NRG3: variants seen among roughly 807,000 people sequenced by gnomAD.
NRG3 encodes the protein neuregulin 3, also known as pro-neuregulin-3, membrane-bound isoform.
In NRG3, 31 loss-of-function variants were observed where a neutral mutation model predicts 66.9. The observed-to-expected ratio is 0.46, with a 90% CI of 0.35 to 0.63. The LOEUF is 0.63. NRG3 is among the 20% of genes least tolerant of loss of function. The pLI, the probability that NRG3 is intolerant of heterozygous loss-of-function variation, is 0.00. For synonymous variants in NRG3, 393 were observed against 359.4 expected (o/e 1.09, Z -1.06); for missense variants, 910 against 878.9 (o/e 1.04, Z -0.45).
intron 1 of NRG3, among the ~76,000 whole-genome samples, chr10:81,879,794 T>G (rs1842014951): frequency 6.6e-6 from 1 of 152,236 alleles, no homozygotes; most frequent in African/African-American, 2.4e-5. Flanking sequence ...TTCTTATTTA[T>G]TCTTTTCAAC....
At chr10:82,584,158 C>T (rs1010188695) in intron 2 of NRG3, among the ~76,000 whole-genome samples, 2 of 152,182 alleles carry the variant, frequency 1.3e-5, no homozygotes, top group Non-Finnish European at 2.9e-5. Context: ...GTGATCTCAG[C>T]TCACTGCAAC....
intron 1 of NRG3, among the ~76,000 whole-genome samples, chr10:81,884,710 C>A (rs1019396122): frequency 2.0e-5 from 3 of 152,106 alleles, no homozygotes; most frequent in Non-Finnish European, 2.9e-5. Flanking sequence ...AAGACATGGG[C>A]ATCCTAGGAT....
intron 1 of NRG3, among the ~76,000 whole-genome samples, chr10:82,035,515 T>G (rs1298311041): frequency 6.6e-6 from 1 of 152,178 alleles, no homozygotes; most frequent in African/African-American, 2.4e-5. Context: ...AGGCATCTTA[T>G]TAAAATCAAT....
chr10:82,940,123 A>C (rs1053283005), intron 4 of NRG3, among the ~76,000 whole-genome samples: 3 of 152,184 alleles, frequency 2.0e-5, no homozygotes. Context: ...AAAGGAATGC[A>C]GAAGGGAAGC....
chr10:82,517,290 T>A (rs1845749217), intron 2 of NRG3, among the ~76,000 whole-genome samples: 1 of 152,164 alleles, frequency 6.6e-6, no homozygotes, highest in African/African-American at 2.4e-5. Flanking sequence ...TTCACTGGAG[T>A]CATTGCTGGT....
At chr10:82,972,610 G>A (rs1218183656) in intron 6 of NRG3, among the ~76,000 whole-genome samples, 2 of 152,104 alleles carry the variant, frequency 1.3e-5, no homozygotes, top group South Asian at 2.1e-4. Context: ...TACTTAGGGT[G>A]GAATTTATCT....
rs372522511 is a variant in NRG3, at chr10:82,046,161, C to T, written c.823+169998C>T. On this transcript the variant is annotated intron_variant, in intron 1 of 8. Transcript: ENST00000372141. ...TGAATCTATAAATTACCTTGGGCAG[C>T]ATGGCCATTTTCATGATATTGATTC... Among the ~76,000 whole-genome samples the T allele has an allele frequency of 3.4e-5, 5 of 148,700 alleles. No homozygotes were observed. The South Asian group carries it at 1.1e-3, about 33-fold the overall frequency.
chr10:82,429,174 A>G (rs2089637529), intron 2 of NRG3, among the ~76,000 whole-genome samples: 1 of 152,036 alleles, frequency 6.6e-6, no homozygotes, highest in Admixed American at 6.5e-5. Flanking sequence ...TTATAAGTCA[A>G]TCAACACAGT....
intron 1 of NRG3, among the ~76,000 whole-genome samples, chr10:82,267,602 C>G (rs1276226204): frequency 1.3e-5 from 2 of 152,198 alleles, no homozygotes; most frequent in Non-Finnish European, 2.9e-5. Context: ...GCTGAGAAAA[C>G]TCACAGATGG....
Position 82,358,759 on chromosome 10 carries a change from G to C in NRG3, c.844G>C (p.Glu282Gln), listed in dbSNP as rs1015810397. 3 of 1,614,156 alleles carry C rather than the reference G, an allele frequency of 1.9e-6. No homozygotes were observed. The highest frequency in any genetic ancestry group is 2.7e-5 in the African/African-American group (2 of 75,050). The change falls in exon 2 of 9, where the codon GAG (glutamate) becomes CAG (glutamine). Residue 282 changes from glutamate to glutamine, a missense_variant. Glu to Gln is a conservative substitution (Grantham distance 29). Coordinates refer to ENST00000372141, the MANE Select transcript of NRG3 (RefSeq NM_001010848.4). ...GACAGATACGACGACATATTCCACAGAGCGATCCGAGCACTTCAAACCCTG... is the reference window on the plus strand; with the variant it reads ...GACAGATACGACGACATATTCCACACAGCGATCCGAGCACTTCAAACCCTG... ...PKFHTTTYST[E>Q]RSEHFKPCRD...
intron 2 of NRG3, among the ~76,000 whole-genome samples, chr10:82,611,749 A>T (rs2048330659): frequency 6.6e-6 from 1 of 152,164 alleles, no homozygotes; most frequent in Non-Finnish European, 1.5e-5. Flanking sequence ...GTGTCTTTAT[A>T]GTAGCATGAT....
In NRG3 at chr10:82,946,643, G is replaced by T. The variant is rs549904465; in HGVS notation, c.1055-4826G>T. Among the ~76,000 whole-genome samples, 31 of 152,188 alleles carry T rather than the reference G, an allele frequency of 2.0e-4. No homozygotes were observed. The South Asian group carries it at 6.0e-3, about 30-fold the overall frequency. ...AAAAAGGAGAGTGGTTGATATGGGTGAGCAGTGTCATATCAGGCAGGTCTT... is the reference window on the plus strand; with the variant it reads ...AAAAAGGAGAGTGGTTGATATGGGTTAGCAGTGTCATATCAGGCAGGTCTT... On this transcript the variant is annotated intron_variant, in intron 4 of 8. Coordinates refer to ENST00000372141, the MANE Select transcript of NRG3 (RefSeq NM_001010848.4).
chr10:82,965,107 TAAC>T (rs768950013), intron 6 of NRG3, among the ~76,000 whole-genome samples: 28 of 152,134 alleles, frequency 1.8e-4, no homozygotes, highest in Admixed American at 3.3e-4. Flanking sequence ...ATGAAGGAGT[TAAC>T]AACAACAACA....
In NRG3 at chr10:82,978,523, C is replaced by T. The variant is rs1052202998; in HGVS notation, c.1413-427C>T. Reference sequence around the variant, plus strand: ...ATAAGTGAATTTTTTCCCCATATCCCTTCTGGGCTTACTGTGTTCAGTTTT... The same window carrying T: ...ATAAGTGAATTTTTTCCCCATATCCTTTCTGGGCTTACTGTGTTCAGTTTT... On this transcript the variant is annotated intron_variant, in intron 7 of 8. Transcript: ENST00000372141. Among the ~76,000 whole-genome samples the T allele has an allele frequency of 1.4e-4, 21 of 152,108 alleles. 1 individual carries two copies. Among genetic ancestry groups the T allele is most frequent in the Admixed American group, 1.2e-3 (19 of 15,262 alleles).
intron 1 of NRG3, among the ~76,000 whole-genome samples, chr10:82,135,074 C>T (rs995781069): frequency 3.4e-5 from 5 of 148,294 alleles, no homozygotes; most frequent in Admixed American, 2.0e-4. Flanking sequence ...TGCAGTGAGC[C>T]GAGATCACAC....
intron 2 of NRG3, among the ~76,000 whole-genome samples, chr10:82,362,473 A>G (rs1246624142): frequency 2.0e-5 from 3 of 148,414 alleles, no homozygotes; most frequent in Non-Finnish European, 4.4e-5. Context: ...TCCTGAGCTC[A>G]GGCCATTCTC....
intron 1 of NRG3, among the ~76,000 whole-genome samples, chr10:81,950,474 A>T (rs1589568139): frequency 6.6e-6 from 1 of 152,312 alleles, no homozygotes; most frequent in East Asian, 1.9e-4. Context: ...ATGGAAAAGT[A>T]GGGATTCCTG....
At chr10:82,876,471 T>G (rs1330455062) in intron 4 of NRG3, among the ~76,000 whole-genome samples, 4 of 152,188 alleles carry the variant, frequency 2.6e-5, no homozygotes, top group Non-Finnish European at 5.9e-5. Context: ...AGCTTGAACA[T>G]TTACCAAATT....
At chr10:82,814,688 T>G (rs1048260379) in intron 3 of NRG3, among the ~76,000 whole-genome samples, 1 of 152,252 alleles carries the variant, frequency 6.6e-6, no homozygotes, top group Admixed American at 6.5e-5. Flanking sequence ...AATTTTACTC[T>G]TTTATTTTCA....
Sources: allele counts gnomAD v4.1 joint callset (sites outside exome capture counted in the v4.1 genomes callset), GRCh38; gene constraint gnomAD v4.1.1; transcripts MANE v1.5; gene names NCBI Gene and HGNC (gene_info 2026-07-23, HGNC 2026-07-21).